The following TIAM1 variants were observed in gnomAD, a reference collection of about 807,000 sequenced individuals.
TIAM1 encodes the protein TIAM Rac1 associated GEF 1, also known as rho guanine nucleotide exchange factor TIAM1.
Under a neutral mutation model 163.5 loss-of-function variants are expected in TIAM1, and 65 were observed. The ratio of observed to expected loss-of-function variants is 0.40; its 90% CI spans 0.33 to 0.49. The LOEUF (loss-of-function observed/expected upper bound fraction) is 0.49. Among genes scored for constraint, TIAM1 ranks in the 20% least tolerant of loss-of-function variants. The probability of loss-of-function intolerance (pLI) is 0.77; values close to 1 mark genes in which losing one functional copy is unlikely to be tolerated. For synonymous variants in TIAM1, 833 were observed against 810.1 expected, an observed-to-expected ratio of 1.03 and a Z score of -0.48; for missense variants, 1,789 against 2,044.7, an observed-to-expected ratio of 0.87 and a Z score of 2.41.
rs2086714806 is a variant in TIAM1, at chr21:31,210,623, A to AG, written c.2218-409_2218-408insC. ...GAAAGAAGGAAGGAAGGGAGAAAGAAAGAAAGAAAGAAAGAAAGAAAGAAA... is the reference window on the plus strand; with the variant it reads ...GAAAGAAGGAAGGAAGGGAGAAAGAAGAGAAAGAAAGAAAGAAAGAAAGAAA... On this transcript the variant is annotated intron_variant, in intron 10 of 27. Coordinates refer to ENST00000541036, the MANE Select transcript of TIAM1 (RefSeq NM_001353694.2). Among the ~76,000 whole-genome samples, 12 of 20,196 alleles carry AG rather than the reference A, an allele frequency of 5.9e-4. 1 individual carries two copies. Among genetic ancestry groups the AG allele is most frequent in the Middle Eastern group, 0.019 (1 of 54 alleles). The allele number at this position is 20,196 out of a possible 152,430, so 13.2% of individuals were successfully genotyped here. A position where few individuals can be genotyped will look rare whatever the true frequency, so the allele number is the denominator to read the frequency against.
chr21:31,295,971 G>A (rs768995044), intron 2 of TIAM1, among the ~76,000 whole-genome samples: 32 of 152,010 alleles, frequency 2.1e-4, no homozygotes, highest in Non-Finnish European at 4.4e-4. Context: ...CTAATTTTTT[G>A]TATGTTTACT....
intron 1 of TIAM1, among the ~76,000 whole-genome samples, chr21:31,540,712 C>G (rs1052009863): frequency 1.3e-5 from 2 of 152,138 alleles, no homozygotes; most frequent in African/African-American, 4.8e-5. Context: ...GACAGTTGTT[C>G]ATAGTTTTCT....
intron 2 of TIAM1, among the ~76,000 whole-genome samples, chr21:31,282,320 T>C (rs2073604061): frequency 2.0e-5 from 3 of 152,250 alleles, no homozygotes; most frequent in African/African-American, 7.2e-5. Flanking sequence ...GGAATGTTTC[T>C]TGTCTTGAAA....
intron 20 of TIAM1, among the ~76,000 whole-genome samples, chr21:31,142,685 G>A (rs1447967029): frequency 6.6e-6 from 1 of 151,696 alleles, no homozygotes; most frequent in Non-Finnish European, 1.5e-5. Flanking sequence ...AAAAAGGCAA[G>A]CAGATGCAGA....
At chr21:31,253,119 T>C (rs1450136074) in intron 4 of TIAM1, among the ~76,000 whole-genome samples, 2 of 152,232 alleles carry the variant, frequency 1.3e-5, no homozygotes, top group East Asian at 3.8e-4. Context: ...TACAGGCATT[T>C]CCATAAACAA....
At chr21:31,363,264 T>C (rs974819825) in intron 2 of TIAM1, among the ~76,000 whole-genome samples, 1 of 152,170 alleles carries the variant, frequency 6.6e-6, no homozygotes, top group African/African-American at 2.4e-5. Flanking sequence ...AGAGAGCATT[T>C]GATCGTGTTA....
rs1451443846 is a variant in TIAM1 at position 31,395,553 on chromosome 21, G to A, written c.-368-56131C>T. On this transcript the variant is annotated intron_variant, in intron 2 of 28. Transcript: ENST00000286827. This position sits in a 1 kb window ranked among gnomAD's most constrained non-coding sequence, Gnocchi z 7.5. ...GAGAAGGGCCAACCCTGCATTTTCT[G>A]CCACAGGAGAATGTATTGTTCTCTC... is the stretch of plus-strand genomic sequence containing the variant. Among the ~76,000 whole-genome samples the A allele has an allele frequency of 1.3e-5, 2 of 152,202 alleles. No homozygotes were observed. Among genetic ancestry groups the A allele is most frequent in the Non-Finnish European group, 2.9e-5 (2 of 68,042 alleles).
At chr21:31,176,672 A>G (rs1164040329) in intron 15 of TIAM1, among the ~76,000 whole-genome samples, 2 of 152,204 alleles carry the variant, frequency 1.3e-5, no homozygotes, top group South Asian at 4.2e-4. Context: ...AAAAATCTCA[A>G]TGAAGCAGAT....
At chr21:31,492,776 TACACACAC>T (rs3055373) in intron 1 of TIAM1, among the ~76,000 whole-genome samples, 14,129 of 139,632 alleles carry the variant, frequency 0.1, 723 homozygotes, top group South Asian at 0.11. Flanking sequence ...TATTTTGGGT[TACACACAC>T]ACACACACAC....
chr21:31,435,532 T>C (rs1353688316), intron 2 of TIAM1, among the ~76,000 whole-genome samples: 1 of 152,222 alleles, frequency 6.6e-6, no homozygotes. Context: ...ATAGTACTAA[T>C]TTTCATTCAC....
At chr21:31,133,531 C>A (rs1019990027) in intron 23 of TIAM1, among the ~76,000 whole-genome samples, 5 of 152,214 alleles carry the variant, frequency 3.3e-5, no homozygotes, top group Non-Finnish European at 1.5e-5. Context: ...AGTCCACTAT[C>A]GGAGCCTGTG....
At chr21:31,338,739 C>A (rs959476836) in intron 2 of TIAM1, among the ~76,000 whole-genome samples, 2 of 152,180 alleles carry the variant, frequency 1.3e-5, no homozygotes, top group African/African-American at 4.8e-5. Context: ...CCAAGCCTGT[C>A]ATGCAATAAA....
At chr21:31,404,225 A>C (rs1397354819) in intron 2 of TIAM1, among the ~76,000 whole-genome samples, 1 of 152,210 alleles carries the variant, frequency 6.6e-6, no homozygotes, top group African/African-American at 2.4e-5. Flanking sequence ...CCTCCCTCTG[A>C]AAAGGCAACA....
At chr21:31,365,224 G>A (rs1005736096) in intron 2 of TIAM1, among the ~76,000 whole-genome samples, 3 of 151,942 alleles carry the variant, frequency 2.0e-5, no homozygotes, top group Middle Eastern at 3.2e-3. Flanking sequence ...GCAGATCCTG[G>A]GAAGAGATCT....
intron 16 of TIAM1, among the ~76,000 whole-genome samples, chr21:31,161,338 A>G (rs1236662917): frequency 1.3e-5 from 2 of 152,180 alleles, no homozygotes; most frequent in African/African-American, 4.8e-5. Context: ...AAGCAGAGAA[A>G]AAAGTAGCCA....
chr21:31,475,052 A>ATTG (rs768457075), intron 1 of TIAM1, among the ~76,000 whole-genome samples: 16 of 58,784 alleles, frequency 2.7e-4, no homozygotes, highest in African/African-American at 1.0e-3. Context: ...TATTATTATT[A>ATTG]TTATTATTAT....
intron 2 of TIAM1, among the ~76,000 whole-genome samples, chr21:31,383,390 G>A (rs2076812438): frequency 6.6e-6 from 1 of 152,162 alleles, no homozygotes; most frequent in Non-Finnish European, 1.5e-5. Flanking sequence ...GCAAAATGAT[G>A]TTCATTGAAT....
At chr21:31,208,800 T>C (rs1364736621) in intron 11 of TIAM1, among the ~76,000 whole-genome samples, 1 of 152,184 alleles carries the variant, frequency 6.6e-6, no homozygotes, top group South Asian at 2.1e-4. Context: ...AATACAAAAA[T>C]TGCTGATAGT....
chr21:31,322,437 A>T (rs2075345976), intron 2 of TIAM1, among the ~76,000 whole-genome samples: 1 of 109,186 alleles, frequency 9.2e-6, no homozygotes, highest in South Asian at 3.0e-4. Flanking sequence ...TACTCACGAT[A>T]CCTCTATGGG....
Sources: allele counts gnomAD v4.1 joint callset (sites outside exome capture counted in the v4.1 genomes callset), GRCh38; gene constraint gnomAD v4.1.1; non-coding constraint Gnocchi (gnomAD v3.1); transcripts MANE v1.5; gene names NCBI Gene and HGNC (gene_info 2026-07-23, HGNC 2026-07-21).